The following DAAM1 variants were observed in gnomAD, a reference collection of about 807,000 sequenced individuals.
The protein encoded by DAAM1 is dishevelled associated activator of morphogenesis 1.
Under a neutral mutation model 130.0 loss-of-function variants are expected in DAAM1, and 52 were observed. The ratio of observed to expected loss-of-function variants is 0.40; its 90% confidence interval spans 0.32 to 0.50. The LOEUF (loss-of-function observed/expected upper bound fraction) is 0.50. DAAM1 is among the 20% of genes least tolerant of loss of function. DAAM1 has a pLI of 0.61. For synonymous variants in DAAM1, 452 were observed against 444.5 expected (o/e 1.02, Z -0.21); for missense variants, 1,134 against 1,303.8 (o/e 0.87, Z 2.01).
At position 59,330,602 on chromosome 14, in the gene DAAM1, G is replaced by C; in HGVS notation, c.1474G>C (p.Glu492Gln). Residue 492 changes from glutamate (E) to glutamine (Q), a missense_variant, in exon 13 of 25, where the codon GAG becomes CAG. Around this residue, in one of 3 missense-constraint regions of DAAM1, gnomAD observed 391 missense variants for 521.6 expected, o/e 0.75. Transcript: ENST00000360909. The stretch of plus-strand genomic sequence containing the variant: ...GATGCAGACCTTAAATAAAATGAAA[G>C]AGAAACTTGAAAAGGAGACTACTGA... ...EMMQTLNKMK[E>Q]KLEKETTEHK... 6.2e-7 allele frequency: 1 copy of C among 1,614,018 alleles called. No homozygotes were observed. The highest frequency in any genetic ancestry group is 1.7e-5 in the Admixed American group (1 of 60,004).
chr14:59,276,081 C>T (rs1312397959), intron 2 of DAAM1, among the ~76,000 whole-genome samples: 1 of 152,108 alleles, frequency 6.6e-6, no homozygotes, highest in Non-Finnish European at 1.5e-5. Context: ...TGGAAACTGA[C>T]AAAAATCTTA....
intron 1 of DAAM1, among the ~76,000 whole-genome samples, chr14:59,217,117 G>A (rs1888607372): frequency 6.6e-6 from 1 of 152,132 alleles, no homozygotes. Context: ...TGGTTTTCAT[G>A]GAGGCAGGGG....
chr14:59,357,732 C>G lies in DAAM1; in HGVS notation c.2526-1665C>G, dbSNP rs541929663. 1.4e-4 allele frequency among the ~76,000 whole-genome samples: 21 copies of G among 151,884 alleles called. No individual in the cohort carries two copies. In the East Asian group the frequency reaches 3.9e-3, roughly 28 times the overall value. ...GGCAGAGGTTGCAGTGAGCCCAGAT[C>G]GCACCACTGTACTCCAGCCTGGGTG... On this transcript the variant is annotated intron_variant, in intron 20 of 24. Coordinates refer to ENST00000360909, the MANE Select transcript of DAAM1 (RefSeq NM_001270520.2).
chr14:59,190,868 C>T (rs1035573471), intron 1 of DAAM1, among the ~76,000 whole-genome samples: 7 of 152,158 alleles, frequency 4.6e-5, no homozygotes, highest in African/African-American at 1.7e-4. Context: ...TGATACTGTG[C>T]CGTCAGGTTA....
intron 16 of DAAM1, 89 bp downstream of exon 16, chr14:59,340,269 T>TGTACTCTGC: frequency 1.6e-6 from 2 of 1,235,840 alleles, no homozygotes; most frequent in Non-Finnish European, 2.3e-6. Context: ...TTGTTTTAAT[T>TGTACTCTGC]GTACTCTGCT....
At chr14:59,289,923 C>G (rs1883666059) in intron 2 of DAAM1, among the ~76,000 whole-genome samples, 1 of 151,882 alleles carries the variant, frequency 6.6e-6, no homozygotes, top group African/African-American at 2.4e-5. Context: ...TAAGTAAGAG[C>G]TAAACTTTGA....
At chr14:59,263,983 A>G (rs1882310305) in intron 2 of DAAM1, 1 of 393,022 alleles carries the variant, frequency 2.5e-6, no homozygotes, top group Non-Finnish European at 4.8e-6. Context: ...TCCTTAGTCT[A>G]TACATTATGC....
chr14:59,199,183 T>C lies in DAAM1; in HGVS notation c.-38+10415T>C, dbSNP rs375569105. On this transcript the variant is annotated intron_variant, in intron 1 of 24. Transcript: ENST00000360909. ...CCCAGTCTCTTCTCAACTGCACAAC[T>C]CAGGAGTTTTGTAGGATATAAGGGA... Among the ~76,000 whole-genome samples, 12 of 152,336 alleles carry C rather than the reference T, an allele frequency of 7.9e-5. 1 individual carries two copies. Among genetic ancestry groups the C allele is most frequent in the Admixed American group, 7.2e-4 (11 of 15,308 alleles).
chr14:59,331,150 A>G, intron 13 of DAAM1, 59 bp from the exon 14 acceptor site: 2 of 1,588,962 alleles, frequency 1.3e-6, no homozygotes, highest in Admixed American at 1.8e-5. Context: ...AGACTCTTAA[A>G]TCATTCAATG....
rs147539006 is a variant in DAAM1 at position 59,204,993 on chromosome 14, T to G, written c.-38+16225T>G. On this transcript the variant is annotated intron_variant, in intron 1 of 24. Coordinates refer to ENST00000360909, the MANE Select transcript of DAAM1 (RefSeq NM_001270520.2). ...CAGATTTATTGCTTCCTGTTGCTAC[T>G]TTTTTTGTTTTATGTGGAGTGAAAA... 5.3e-5 allele frequency among the ~76,000 whole-genome samples: 8 copies of G among 152,352 alleles called. No homozygotes were observed. The East Asian group carries it at 1.5e-3, about 29-fold the overall frequency.
At chr14:59,350,383 C>T (rs1314664641) in intron 17 of DAAM1, among the ~76,000 whole-genome samples, 1 of 152,022 alleles carries the variant, frequency 6.6e-6, no homozygotes, top group Non-Finnish European at 1.5e-5. Context: ...ACAGCATCTG[C>T]ACACATATAC....
At chr14:59,286,240 G>A (rs970126703) in intron 2 of DAAM1, among the ~76,000 whole-genome samples, 30 of 151,842 alleles carry the variant, frequency 2.0e-4, no homozygotes, top group Admixed American at 1.3e-3. Context: ...AATTAATGAC[G>A]ACAAAGACAA....
chr14:59,336,774 G>T (rs1885644265), intron 15 of DAAM1, among the ~76,000 whole-genome samples: 1 of 152,200 alleles, frequency 6.6e-6, no homozygotes, highest in Admixed American at 6.5e-5. Flanking sequence ...AAGTGGACTT[G>T]ATCATCAGGT....
At chr14:59,194,102 G>A (rs1454644731) in intron 1 of DAAM1, among the ~76,000 whole-genome samples, 1 of 151,690 alleles carries the variant, frequency 6.6e-6, no homozygotes, top group Non-Finnish European at 1.5e-5. Context: ...CCAGGTTAGG[G>A]ACTCAAGCAG....
intron 22 of DAAM1, among the ~76,000 whole-genome samples, chr14:59,361,881 T>C (rs1886714065): frequency 6.6e-6 from 1 of 152,182 alleles, no homozygotes; most frequent in South Asian, 2.1e-4. Context: ...GTGAGGACTC[T>C]CCCTTCTTTT....
intron 1 of DAAM1, among the ~76,000 whole-genome samples, chr14:59,224,219 C>T (rs1308329065): frequency 2.0e-5 from 3 of 152,142 alleles, no homozygotes; most frequent in African/African-American, 7.2e-5. Context: ...GCAATGAGAC[C>T]CCATCTGGTA....
chr14:59,368,629 GTTAT>G lies in DAAM1; in HGVS notation c.2998-18_2998-15del. On this transcript the variant is annotated splice_polypyrimidine_tract_variant and intron_variant, in intron 24 of 24. Transcript: ENST00000360909. ...CAACATTTTGACATGTCTCAAAGAG[GTTAT>G]TTCTTTCTATTTGCAGCTCAAAGAA... is the stretch of plus-strand genomic sequence containing the variant. The G allele has an allele frequency of 1.2e-6, 2 of 1,604,900 alleles. No homozygotes were observed. Among genetic ancestry groups the G allele is most frequent in the Non-Finnish European group, 1.7e-6 (2 of 1,175,338 alleles).
At chr14:59,212,664 G>A (rs768969150) in intron 1 of DAAM1, among the ~76,000 whole-genome samples, 1 of 152,188 alleles carries the variant, frequency 6.6e-6, no homozygotes, top group Non-Finnish European at 1.5e-5. Flanking sequence ...TGCCCAAGCA[G>A]CATTCTAATA....
chr14:59,191,785 C>G (rs1887736962), intron 1 of DAAM1, among the ~76,000 whole-genome samples: 1 of 152,096 alleles, frequency 6.6e-6, no homozygotes, highest in South Asian at 2.1e-4. Flanking sequence ...TAGGGAGAGA[C>G]ACCAAGAGAA....
Sources: gnomAD v4.1 joint callset for allele counts (sites outside exome capture counted in the v4.1 genomes callset) on GRCh38, gnomAD v4.1.1 for gene constraint, gnomAD v4.1.1 regional missense constraint, MANE v1.5 for transcripts, NCBI Gene and HGNC (gene_info 2026-07-23, HGNC 2026-07-21) for gene names.